The following NALCN variants were observed in gnomAD, a reference collection of about 807,000 sequenced individuals.
The protein encoded by NALCN is sodium leak channel, non-selective.
Under a neutral mutation model 225.3 loss-of-function variants are expected in NALCN, and 111 were observed. The ratio of observed to expected loss-of-function variants is 0.49; its 90% CI spans 0.42 to 0.58. The LOEUF is 0.58. Among genes scored for constraint, NALCN ranks in the 20% least tolerant of loss-of-function variants. NALCN has a pLI of 0.00. For synonymous variants in NALCN, 764 were observed against 769.0 expected (o/e 0.99, Z 0.11); for missense variants, 1,378 against 2,202.4 (o/e 0.63, Z 7.49).
At chr13:101,279,246 G>C (rs1372750634) in intron 10 of NALCN, among the ~76,000 whole-genome samples, 1 of 152,222 alleles carries the variant, frequency 6.6e-6, no homozygotes, top group Non-Finnish European at 1.5e-5. Context: ...TGTTTGAGCT[G>C]AGTTCTGAAG....
chr13:101,345,613 T>C (rs1276251762), intron 6 of NALCN, among the ~76,000 whole-genome samples, 193 bp from the exon 7 acceptor site: 1 of 151,170 alleles, frequency 6.6e-6, no homozygotes, highest in Non-Finnish European at 1.5e-5. Context: ...TGCAGTGAAC[T>C]ATGATCATGC....
intron 7 of NALCN, among the ~76,000 whole-genome samples, chr13:101,328,989 C>T (rs1216565580): frequency 1.3e-5 from 2 of 152,152 alleles, no homozygotes; most frequent in Non-Finnish European, 2.9e-5. Context: ...TTCTCTGCAT[C>T]TCAACATCTG....
intron 1 of NALCN, among the ~76,000 whole-genome samples, chr13:101,400,667 T>C (rs11841645): frequency 0.2 from 30,065 of 151,894 alleles, 3,332 homozygotes; most frequent in Non-Finnish European, 0.26. Flanking sequence ...GCTCCGAATC[T>C]GATTGCCTGT....
chr13:101,275,803 G>A (rs1010061540), intron 10 of NALCN, among the ~76,000 whole-genome samples: 1 of 151,972 alleles, frequency 6.6e-6, no homozygotes, highest in African/African-American at 2.4e-5. Context: ...GAGTCATCTT[G>A]TCCCCACAGT....
At chr13:101,171,927 T>C (rs34803908) in intron 15 of NALCN, among the ~76,000 whole-genome samples, 37,820 of 152,114 alleles carry the variant, frequency 0.25, 5,456 homozygotes, top group Non-Finnish European at 0.33. Flanking sequence ...TTCAGAACTA[T>C]AGTATTAAGG....
intron 10 of NALCN, among the ~76,000 whole-genome samples, chr13:101,266,512 A>G (rs2042602431): frequency 6.6e-6 from 1 of 152,220 alleles, no homozygotes; most frequent in South Asian, 2.1e-4. Flanking sequence ...TGCAATAAAT[A>G]TAAATTAGGA....
chr13:101,380,705 G>A (rs556615818), intron 3 of NALCN, among the ~76,000 whole-genome samples: 1 of 152,208 alleles, frequency 6.6e-6, no homozygotes, highest in East Asian at 1.9e-4. Context: ...CTCCTTGAGA[G>A]GTTTCTGGAA....
intron 17 of NALCN, among the ~76,000 whole-genome samples, chr13:101,138,446 A>C (rs982354531): frequency 6.6e-6 from 1 of 152,232 alleles, no homozygotes; most frequent in Non-Finnish European, 1.5e-5. Flanking sequence ...GGGTGGGCAG[A>C]TATTGCCCTA....
At chr13:101,346,966 G>C (rs995165848) in intron 6 of NALCN, among the ~76,000 whole-genome samples, 1 of 152,258 alleles carries the variant, frequency 6.6e-6, no homozygotes, top group South Asian at 2.1e-4. Context: ...AGTCACGTGA[G>C]TTTCTGACCA....
At chr13:101,299,809 T>C (rs958992614) in intron 7 of NALCN, among the ~76,000 whole-genome samples, 3 of 152,148 alleles carry the variant, frequency 2.0e-5, no homozygotes, top group Non-Finnish European at 4.4e-5. Context: ...AGATATACCA[T>C]CTGTTATGCA....
intron 12 of NALCN, among the ~76,000 whole-genome samples, chr13:101,237,368 C>A (rs1304031408): frequency 1.3e-5 from 2 of 151,920 alleles, no homozygotes; most frequent in Non-Finnish European, 2.9e-5. Flanking sequence ...GGAAGAGAAA[C>A]ACTTGGGATT....
chr13:101,193,171 A>G (rs1488151699), intron 13 of NALCN, among the ~76,000 whole-genome samples: 3 of 151,456 alleles, frequency 2.0e-5, no homozygotes, highest in Non-Finnish European at 4.4e-5. Context: ...CCAAAGTCAC[A>G]CTATTAATTT....
chr13:101,192,825 A>G (rs2039736725), intron 13 of NALCN, among the ~76,000 whole-genome samples: 1 of 152,214 alleles, frequency 6.6e-6, no homozygotes, highest in African/African-American at 2.4e-5. Flanking sequence ...TCTCCAACTC[A>G]TGTATCCTAT....
chr13:101,360,616 G>A (rs2046225332), intron 6 of NALCN, among the ~76,000 whole-genome samples: 1 of 152,176 alleles, frequency 6.6e-6, no homozygotes, highest in Admixed American at 6.5e-5. Flanking sequence ...AAGTCAGTGA[G>A]GGATTTTAAA....
chr13:101,311,490 G>A (rs907890057), intron 7 of NALCN, among the ~76,000 whole-genome samples: 39 of 149,768 alleles, frequency 2.6e-4, no homozygotes, highest in African/African-American at 9.7e-4. Flanking sequence ...GATATTGGCT[G>A]TGGGTTTGTC....
rs1013995474 is a variant in NALCN at position 101,120,739 on chromosome 13, C to T, written c.2192+3869G>A. On this transcript the variant is annotated intron_variant, in intron 18 of 43. Transcript: ENST00000251127. ...AACTCGCTGTAAAGAATGGATTACTCAAATGTTGAACCAAAGCCGGGGGAA... is the reference window on the plus strand; with the variant it reads ...AACTCGCTGTAAAGAATGGATTACTTAAATGTTGAACCAAAGCCGGGGGAA... 3.9e-5 allele frequency among the ~76,000 whole-genome samples: 6 copies of T among 152,274 alleles called. No individual in the cohort carries two copies. The Middle Eastern group carries it at 0.01, about 259-fold the overall frequency.
At chr13:101,229,886 T>C (rs1212761181) in intron 12 of NALCN, among the ~76,000 whole-genome samples, 1 of 152,162 alleles carries the variant, frequency 6.6e-6, no homozygotes, top group Non-Finnish European at 1.5e-5. Context: ...AAGGAAACCT[T>C]TAATTCAATA....
intron 7 of NALCN, among the ~76,000 whole-genome samples, chr13:101,337,142 A>G (rs2045401814): frequency 6.6e-6 from 1 of 152,098 alleles, no homozygotes; most frequent in Non-Finnish European, 1.5e-5. Flanking sequence ...CTTTCATTCA[A>G]CTAACATATA....
intron 15 of NALCN, among the ~76,000 whole-genome samples, chr13:101,146,144 C>G (rs1203670298): frequency 1.3e-5 from 2 of 152,148 alleles, no homozygotes. Flanking sequence ...GATTATACAT[C>G]CTGATTTCTG....
Sources: allele counts gnomAD v4.1 joint callset (sites outside exome capture counted in the v4.1 genomes callset), GRCh38; gene constraint gnomAD v4.1.1; transcripts MANE v1.5; gene names NCBI Gene and HGNC (gene_info 2026-07-23, HGNC 2026-07-21).